SUSD4: variants seen among roughly 807,000 people sequenced by gnomAD.
SUSD4 encodes sushi domain-containing protein 4.
In SUSD4, 41 loss-of-function variants were observed where a neutral mutation model predicts 50.5. The ratio of observed to expected loss-of-function variants is 0.81; its 90% CI spans 0.63 to 1.05. The LOEUF (loss-of-function observed/expected upper bound fraction) is 1.05. Among genes scored for constraint, SUSD4 ranks in the 50% least tolerant of loss-of-function variants. The pLI is 0.00. For synonymous variants in SUSD4, 257 were observed against 257.3 expected (o/e 1.00, Z 0.01); for missense variants, 580 against 634.7 (o/e 0.91, Z 0.93).
intron 2 of SUSD4, among the ~76,000 whole-genome samples, chr1:223,343,494 C>T (rs914691688): frequency 2.6e-5 from 4 of 151,994 alleles, no homozygotes; most frequent in African/African-American, 4.8e-5. Context: ...GAATACAATA[C>T]GGTGAGTTAC....
At chr1:223,287,883 T>G (rs577264175) in intron 3 of SUSD4, among the ~76,000 whole-genome samples, 1 of 152,194 alleles carries the variant, frequency 6.6e-6, no homozygotes, top group African/African-American at 2.4e-5. Flanking sequence ...TTCATAAAAT[T>G]TTAAGTCTGC....
chr1:223,276,435 C>T (rs1383485327), intron 3 of SUSD4, among the ~76,000 whole-genome samples: 1 of 152,214 alleles, frequency 6.6e-6, no homozygotes, highest in Non-Finnish European at 1.5e-5. Flanking sequence ...AAGATTTGCA[C>T]TTACTGGGGG....
intron 2 of SUSD4, among the ~76,000 whole-genome samples, chr1:223,298,625 C>T (rs1664989863): frequency 6.6e-6 from 1 of 152,120 alleles, no homozygotes; most frequent in Non-Finnish European, 1.5e-5. Flanking sequence ...ATGGTCGTAT[C>T]CCCCACTCTT....
chr1:223,289,998 CAAT>C (rs1664381139), intron 3 of SUSD4, among the ~76,000 whole-genome samples: 1 of 152,134 alleles, frequency 6.6e-6, no homozygotes, highest in East Asian at 1.9e-4. Flanking sequence ...AATCAGGAAA[CAAT>C]AAGACTCATC....
At chr1:223,255,450 G>A (rs1318351719) in intron 5 of SUSD4, among the ~76,000 whole-genome samples, 1 of 152,144 alleles carries the variant, frequency 6.6e-6, no homozygotes, top group Non-Finnish European at 1.5e-5. Context: ...AGAACCCGAT[G>A]TATGATTTTC....
rs1353575875 is a variant in SUSD4 at position 223,227,699 on chromosome 1, G to A, written c.956C>T (p.Thr319Met). ...WPSTHETLLT[T>M]WKIVAFTATS... ...TGCCGTGAACGCCACAATCTTCCACGTGGTCAGGAGGGTCTCATGGGTGCT... is the reference window on the plus strand; with the variant it reads ...TGCCGTGAACGCCACAATCTTCCACATGGTCAGGAGGGTCTCATGGGTGCT... Residue 319 changes from threonine to methionine, a missense_variant, in exon 7 of 9, where the codon ACG becomes ATG. By Grantham distance (81) the Thr-to-Met change is moderately conservative. Coordinates refer to ENST00000366878, the MANE Select transcript of SUSD4 (RefSeq NM_017982.4). The surrounding 1 kb of genome is among the most constrained non-coding windows in gnomAD (Gnocchi z 4.5). 5 of 1,613,430 alleles carry A rather than the reference G, an allele frequency of 3.1e-6. No homozygotes were observed. The highest frequency in any genetic ancestry group is 1.7e-5 in the Admixed American group (1 of 59,944).
Position 223,298,775 on chromosome 1 carries a change from C to T in SUSD4, c.149-6124G>A, listed in dbSNP as rs1185213177. ...TTTCATGGAAGTTACAATGTGAGAG[C>T]TGCACAATTTCCTCATGAATTTAAT... is the stretch of plus-strand genomic sequence containing the variant. On this transcript the variant is annotated intron_variant, in intron 2 of 8. Coordinates refer to ENST00000366878, the MANE Select transcript of SUSD4 (RefSeq NM_017982.4). Among the ~76,000 whole-genome samples the T allele has an allele frequency of 2.0e-5, 3 of 152,232 alleles. No individual in the cohort carries two copies. The East Asian group carries it at 5.8e-4, about 29-fold the overall frequency.
At chr1:223,280,172 C>T (rs1421956598) in intron 3 of SUSD4, among the ~76,000 whole-genome samples, 4 of 152,196 alleles carry the variant, frequency 2.6e-5, no homozygotes, top group African/African-American at 9.6e-5. Context: ...GAAGAAACTG[C>T]ATCAACTAAT....
chr1:223,330,162 C>T (rs1029060030), intron 2 of SUSD4, among the ~76,000 whole-genome samples: 1 of 152,188 alleles, frequency 6.6e-6, no homozygotes, highest in African/African-American at 2.4e-5. Flanking sequence ...CATTATCACA[C>T]TCATTTGATT....
At chr1:223,292,368 C>A in intron 3 of SUSD4, 71 bp downstream of exon 3, 1 of 1,545,610 alleles carries the variant, frequency 6.5e-7, no homozygotes. Context: ...AGCTGTCACA[C>A]AGCCCTGCAC....
rs1382562804 is a variant in SUSD4, at chr1:223,268,605, G to C, written c.432C>G (p.Ile144Met). 6.2e-7 allele frequency: 1 copy of C among 1,614,166 alleles called. No individual in the cohort carries two copies. The highest frequency in any genetic ancestry group is 8.5e-7 in the Non-Finnish European group (1 of 1,180,024). The change falls in exon 4 of 9, where the codon ATC becomes ATG. Residue 144 changes from isoleucine to methionine, a missense_variant. Physicochemically the swap from Ile to Met is conservative, Grantham distance 10. Coordinates refer to ENST00000366878, the MANE Select transcript of SUSD4 (RefSeq NM_017982.4). ...NKTYRHGEKL[I>M]ITCHEGFKIR... The stretch of plus-strand genomic sequence containing the variant: ...TCTTGAATCCTTCATGACAAGTGAT[G>C]ATTAGCTTCTCTCCATGTCTATATG...
At chr1:223,349,018 C>T (rs1359321574) in intron 2 of SUSD4, among the ~76,000 whole-genome samples, 3 of 152,006 alleles carry the variant, frequency 2.0e-5, no homozygotes, top group Non-Finnish European at 4.4e-5. Context: ...GAGACTGAGA[C>T]CACAATGGAT....
At position 223,229,301 on chromosome 1, in the gene SUSD4, T is replaced by C. The variant is rs1659736900; in HGVS notation, c.812A>G (p.Glu271Gly). 1 of 1,613,014 alleles carries C rather than the reference T, an allele frequency of 6.2e-7. No individual in the cohort carries two copies. The highest frequency in any genetic ancestry group is 1.3e-5 in the African/African-American group (1 of 74,884). Residue 271 changes from glutamate to glycine, a missense_variant, in exon 6 of 9, where the codon GAG (glutamate) becomes GGG (glycine). Physicochemically the swap from Glu to Gly is moderately conservative, Grantham distance 98 (BLOSUM62 -2). Coordinates refer to ENST00000366878, the MANE Select transcript of SUSD4 (RefSeq NM_017982.4). This position sits in a 1 kb window ranked among gnomAD's most constrained non-coding sequence, Gnocchi z 4.7. ...CERYNHGTVV[E>G]FYCDPGYSLT... ...GCTGTAGCCAGGATCGCAGTAAAAC[T>C]CCACCACAGTTCCGTGGTTGTAGCG...
At chr1:223,285,710 G>A (rs955826417) in intron 3 of SUSD4, among the ~76,000 whole-genome samples, 1 of 152,128 alleles carries the variant, frequency 6.6e-6, no homozygotes, top group African/African-American at 2.4e-5. Flanking sequence ...TGGAGCTGGA[G>A]GCCATTATCC....
In SUSD4 at chr1:223,363,384, T is replaced by A. The variant is rs1195565025; in HGVS notation, c.42A>T (p.Leu14=). 8.2e-6 allele frequency: 13 copies of A among 1,586,174 alleles called. No homozygotes were observed. Among genetic ancestry groups the A allele is most frequent in the Non-Finnish European group, 1.0e-5 (12 of 1,166,438 alleles). ...GTTGCTGCTGCTGCTGCTGCTGCTC[T>A]AGAAATCCATCTCCATTGCTCGGGT... is the stretch of plus-strand genomic sequence containing the variant. The part of the protein sequence containing the change: ...GMNPSNGDGF[L]EQQQQQQQPQ... The change falls in exon 2 of 9, where the codon CTA becomes CTT. Residue 14 remains leucine, a synonymous_variant. Transcript: ENST00000366878.
At chr1:223,297,323 G>A (rs866157856) in intron 2 of SUSD4, among the ~76,000 whole-genome samples, 4 of 152,262 alleles carry the variant, frequency 2.6e-5, no homozygotes, top group South Asian at 2.1e-4. Context: ...TAGGCCCAAG[G>A]GATGGTTTTT....
At chr1:223,315,511 A>T (rs148011520) in intron 2 of SUSD4, among the ~76,000 whole-genome samples, 112 of 151,950 alleles carry the variant, frequency 7.4e-4, no homozygotes, top group African/African-American at 2.6e-3. Flanking sequence ...CCACAAGCAG[A>T]CTCCCTGGCC....
At chr1:223,249,821 T>C (rs1053218091) in intron 5 of SUSD4, among the ~76,000 whole-genome samples, 5 of 152,204 alleles carry the variant, frequency 3.3e-5, no homozygotes, top group African/African-American at 9.6e-5. Flanking sequence ...CATGCTTTTC[T>C]GACATCTGAA....
rs919964733 is a variant in SUSD4 at position 223,363,157 on chromosome 1, G to A, written c.148+121C>T. 16 of 1,210,008 alleles carry A rather than the reference G, an allele frequency of 1.3e-5. No homozygotes were observed. In the Admixed American group the frequency reaches 4.1e-4, roughly 31 times the overall value. The allele number at this position is 1,210,008 out of a possible 1,614,324, so 75.0% of individuals were successfully genotyped here. The stretch of plus-strand genomic sequence containing the variant: ...TAGGCTGGGACGCAGGCACCCTCGC[G>A]TTGTCAGATCCTCCTGAAGTCTGGG... On this transcript the variant is annotated intron_variant, in intron 2 of 8. Transcript: ENST00000366878.
Sources: allele counts gnomAD v4.1 joint callset (sites outside exome capture counted in the v4.1 genomes callset), GRCh38; gene constraint gnomAD v4.1.1; non-coding constraint Gnocchi (gnomAD v3.1); transcripts MANE v1.5; gene names NCBI Gene and HGNC (gene_info 2026-07-23, HGNC 2026-07-21).